ARHGEF11: variants seen among roughly 807,000 people sequenced by gnomAD.
ARHGEF11 encodes Rho guanine nucleotide exchange factor 11, also known as Rho guanine exchange factor (GEF) 11.
In ARHGEF11, 55 loss-of-function variants were observed where a neutral mutation model predicts 193.7. The observed-to-expected ratio is 0.28, with a 90% confidence interval of 0.23 to 0.36. The LOEUF is 0.36. Ranked by LOEUF, ARHGEF11 falls within the 10% of genes least tolerant of loss-of-function variation. The probability of loss-of-function intolerance (pLI) is 1.00; values close to 1 mark genes in which losing one functional copy is unlikely to be tolerated. For missense variants in ARHGEF11, 1,723 were observed against 2,005.6 expected (o/e 0.86, Z 2.69); for synonymous variants, 693 against 768.0 (o/e 0.90, Z 1.62).
intron 1 of ARHGEF11, among the ~76,000 whole-genome samples, chr1:156,994,488 C>T (rs147699727): frequency 2.2e-4 from 34 of 151,446 alleles, no homozygotes; most frequent in African/African-American, 8.0e-4. Flanking sequence ...GAAAAATACC[C>T]CCAGGGTGTT....
rs568920860 is a variant in ARHGEF11, at chr1:156,944,065, C to A, written c.3105G>T (p.Leu1035=). Residue 1035 remains leucine, a synonymous_variant, in exon 32 of 41, where the codon CTG becomes CTT. Transcript: ENST00000368194. ...HVLLLEDLLV[L]LQKQDEKLLL... is the part of the protein sequence containing the mutation. ...ATAGCTTCTCATCCTGTTTCTGTAG[C>A]AGCACTAGGAGGTCCTCCAGCAGCA... 2 of 1,614,112 alleles carry A rather than the reference C, an allele frequency of 1.2e-6. No homozygotes were observed. Among genetic ancestry groups the A allele is most frequent in the African/African-American group, 1.3e-5 (1 of 75,030 alleles).
chr1:156,947,236 G>A (rs1052920357), intron 26 of ARHGEF11, 68 bp downstream of exon 26: 7 of 1,551,732 alleles, frequency 4.5e-6, no homozygotes, highest in East Asian at 2.2e-5. Flanking sequence ...TCCTGGCAGT[G>A]GGGCCAAAGT....
intron 17 of ARHGEF11, 43 bp downstream of exon 17, chr1:156,958,699 G>A (rs1258973530): frequency 6.2e-7 from 1 of 1,613,062 alleles, no homozygotes; most frequent in African/African-American, 1.3e-5. Flanking sequence ...ATGTCAACCT[G>A]CTTAGGATGT....
At position 156,969,266 on chromosome 1, in the gene ARHGEF11, C is replaced by T. The variant is rs1350895273; in HGVS notation, c.825+16G>A. On this transcript the variant is annotated intron_variant, in intron 10 of 40. Coordinates refer to ENST00000368194, the MANE Select transcript of ARHGEF11 (RefSeq NM_198236.3). Reference sequence around the variant, plus strand: ...GAATGCACGTTCTGAATGGGCCTTGCCCTGCTGGGACTCACCTCACTGAGG... The same window carrying T: ...GAATGCACGTTCTGAATGGGCCTTGTCCTGCTGGGACTCACCTCACTGAGG... 6.3e-7 allele frequency: 1 copy of T among 1,580,970 alleles called. No homozygotes were observed. Among genetic ancestry groups the T allele is most frequent in the Non-Finnish European group, 8.6e-7 (1 of 1,162,186 alleles).
intron 19 of ARHGEF11, 146 bp from the exon 20 acceptor site, chr1:156,955,945 G>C: frequency 2.8e-6 from 2 of 708,840 alleles, no homozygotes; most frequent in South Asian, 1.6e-5. Flanking sequence ...AAGCATGTTC[G>C]CCTCTGGCCT....
chr1:156,983,376 C>A (rs575035783), intron 3 of ARHGEF11, among the ~76,000 whole-genome samples: 1 of 152,302 alleles, frequency 6.6e-6, no homozygotes, highest in South Asian at 2.1e-4. Context: ...CGCCTGCCAC[C>A]ACGCCTGGCT....
At chr1:156,981,396 G>A (rs1462567736) in intron 3 of ARHGEF11, among the ~76,000 whole-genome samples, 1 of 152,152 alleles carries the variant, frequency 6.6e-6, no homozygotes, top group East Asian at 1.9e-4. Flanking sequence ...GTGACTGACT[G>A]TGAGGTGCTC....
chr1:157,035,336 C>T (rs981203918), intron 1 of ARHGEF11, among the ~76,000 whole-genome samples: 15 of 152,008 alleles, frequency 9.9e-5, no homozygotes, highest in African/African-American at 3.4e-4. Flanking sequence ...AATCTGGGGT[C>T]CCTGCCAAAC....
chr1:156,963,302 G>T lies in ARHGEF11; in HGVS notation c.1041C>A (p.Ser347Arg), dbSNP rs775770721. ...DYDPGYFNNE[S>R]DIIFQDLEKL... Reference sequence around the variant, plus strand: ...TCTCCAGATCCTGGAATATGATGTCGCTCTGGAAGGCAGAAGGATGAGCAT... The same window carrying T: ...TCTCCAGATCCTGGAATATGATGTCTCTCTGGAAGGCAGAAGGATGAGCAT... The change falls in exon 13 of 41, where the codon AGC becomes AGA. Residue 347 changes from serine (S) to arginine (R), a missense_variant and splice_region_variant. Physicochemically the swap from Ser to Arg is moderately radical, Grantham distance 110 (BLOSUM62 -1). Around this residue, in one of 5 missense-constraint regions of ARHGEF11, gnomAD observed 646 missense variants for 710.7 expected, o/e 0.91. Transcript: ENST00000368194. 1 of 1,613,484 alleles carries T rather than the reference G, an allele frequency of 6.2e-7. No individual in the cohort carries two copies. Among genetic ancestry groups the T allele is most frequent in the East Asian group, 2.2e-5 (1 of 44,874 alleles).
intron 15 of ARHGEF11, 149 bp from the exon 16 acceptor site, chr1:156,959,291 G>C: frequency 3.0e-6 from 2 of 660,158 alleles, no homozygotes; most frequent in Non-Finnish European, 2.7e-6. Context: ...AAGGAGAGGA[G>C]GCCTGGACCT....
intron 22 of ARHGEF11, among the ~76,000 whole-genome samples, chr1:156,951,224 C>CTA (rs1659047280): frequency 1.3e-5 from 2 of 152,216 alleles, no homozygotes; most frequent in African/African-American, 4.8e-5. Context: ...CTTGCCCCCA[C>CTA]TATAGTCTTC....
chr1:156,981,800 T>C (rs1478416768), intron 3 of ARHGEF11, among the ~76,000 whole-genome samples: 3 of 152,218 alleles, frequency 2.0e-5, no homozygotes, highest in African/African-American at 7.2e-5. Context: ...AAATGACTTA[T>C]ATTCCTAGTT....
At chr1:156,946,250 G>C in intron 28 of ARHGEF11, 88 bp from the exon 29 acceptor site, 1 of 1,063,778 alleles carries the variant, frequency 9.4e-7, no homozygotes, top group Non-Finnish European at 1.4e-6. Flanking sequence ...GTGTGAACAT[G>C]ACAAACAGGT....
At chr1:157,030,937 C>T (rs1386751213) in intron 1 of ARHGEF11, among the ~76,000 whole-genome samples, 1 of 151,444 alleles carries the variant, frequency 6.6e-6, no homozygotes, top group African/African-American at 2.4e-5. Context: ...ATGAATTATG[C>T]CCCCGCCCCC....
intron 10 of ARHGEF11, 149 bp from the exon 11 acceptor site, chr1:156,968,273 C>A: frequency 1.2e-6 from 1 of 815,060 alleles, no homozygotes. Flanking sequence ...ATACTAAGCC[C>A]TTCATTACAC....
chr1:156,961,677 C>T lies in ARHGEF11; in HGVS notation c.1239G>A (p.Ala413=), dbSNP rs746519431. The change falls in exon 14 of 41, where the codon GCG becomes GCA. Residue 413 remains alanine (A), a splice_region_variant and synonymous_variant. Transcript: ENST00000368194. ...ATAATCCAATCTATGACTGCCTTACCGCATTTTTCTCCAGGAAAATATTCC... is the reference window on the plus strand; with the variant it reads ...ATAATCCAATCTATGACTGCCTTACTGCATTTTTCTCCAGGAAAATATTCC... ...DIWNIFLEKN[A]PLRVKIPEML... is the part of the protein sequence containing the mutation. The T allele has an allele frequency of 5.6e-6, 9 of 1,613,382 alleles. No individual in the cohort carries two copies. The highest frequency in any genetic ancestry group is 7.6e-6 in the Non-Finnish European group (9 of 1,179,340).
chr1:156,960,860 T>TGTCACCCAGCCTTGC (rs1660728525), intron 14 of ARHGEF11, among the ~76,000 whole-genome samples: 1 of 152,222 alleles, frequency 6.6e-6, no homozygotes, highest in Non-Finnish European at 1.5e-5. Context: ...GCTAGCCTTG[T>TGTCACCCAGCCTTGC]GTCACCCAGC....
intron 40 of ARHGEF11, among the ~76,000 whole-genome samples, chr1:156,936,492 AAAAAAATAT>A (rs1265367812): frequency 2.1e-5 from 2 of 95,486 alleles, no homozygotes; most frequent in Admixed American, 1.2e-4. Context: ...AAAAAAAAAA[AAAAAAATAT>A]ATATATATAT....
At chr1:157,030,244 G>A (rs375493831) in intron 1 of ARHGEF11, among the ~76,000 whole-genome samples, 37 of 152,132 alleles carry the variant, frequency 2.4e-4, no homozygotes, top group African/African-American at 7.0e-4. Flanking sequence ...GCACCATAGT[G>A]TACACAAAGA....
Sources: gnomAD v4.1 joint callset for allele counts (sites outside exome capture counted in the v4.1 genomes callset) on GRCh38, gnomAD v4.1.1 for gene constraint, gnomAD v4.1.1 regional missense constraint, MANE v1.5 for transcripts, NCBI Gene and HGNC (gene_info 2026-07-23, HGNC 2026-07-21) for gene names.